The following GALNT17 variants were observed in gnomAD, a reference collection of about 807,000 sequenced individuals.
GALNT17 encodes UDP-GalNAc:polypeptide N-acetylgalactosaminyltransferase-like 3.
Under a neutral mutation model 63.7 loss-of-function variants are expected in GALNT17, and 29 were observed. That is an observed-to-expected ratio of 0.46 (90% CI 0.34 to 0.62). The LOEUF (loss-of-function observed/expected upper bound fraction) is 0.62. GALNT17 is among the 20% of genes least tolerant of loss of function. The pLI, the probability that GALNT17 is intolerant of heterozygous loss-of-function variation, is 0.01. For missense variants in GALNT17, 603 were observed against 799.6 expected, an observed-to-expected ratio of 0.75 and a Z score of 2.97; for synonymous variants, 305 against 318.3, an observed-to-expected ratio of 0.96 and a Z score of 0.45.
chr7:71,483,373 G>A (rs1173785787), intron 5 of GALNT17, among the ~76,000 whole-genome samples: 2 of 152,032 alleles, frequency 1.3e-5, no homozygotes, highest in Non-Finnish European at 2.9e-5. Context: ...TGGAGGCTGA[G>A]GCAGGAGAAT....
intron 2 of GALNT17, among the ~76,000 whole-genome samples, chr7:71,361,028 T>G (rs527301007): frequency 6.6e-6 from 1 of 152,318 alleles, no homozygotes; most frequent in South Asian, 2.1e-4. Flanking sequence ...CTTATTTGAC[T>G]AGCTACTTAT....
intron 1 of GALNT17, among the ~76,000 whole-genome samples, chr7:71,198,001 C>T (rs1789088333): frequency 6.6e-6 from 1 of 151,888 alleles, no homozygotes; most frequent in Non-Finnish European, 1.5e-5. Flanking sequence ...AGTTCGAGAC[C>T]AGCCTGGCCA....
chr7:71,351,422 C>T (rs1295871840), intron 2 of GALNT17, among the ~76,000 whole-genome samples: 2 of 152,058 alleles, frequency 1.3e-5, no homozygotes, highest in Admixed American at 6.6e-5. Context: ...TCTGGAACCT[C>T]AGGTCACCTT....
intron 5 of GALNT17, among the ~76,000 whole-genome samples, chr7:71,466,851 A>G (rs1371638955): frequency 6.6e-6 from 1 of 152,100 alleles, no homozygotes; most frequent in Non-Finnish European, 1.5e-5. Flanking sequence ...GAATCAATGT[A>G]TACCTTCCAT....
chr7:71,507,521 C>T (rs1433793449), intron 5 of GALNT17, among the ~76,000 whole-genome samples: 1 of 152,184 alleles, frequency 6.6e-6, no homozygotes, highest in African/African-American at 2.4e-5. Context: ...AGCTGCCTGG[C>T]AGTCAGCACT....
chr7:71,347,549 T>C lies in GALNT17; in HGVS notation c.422+11816T>C, dbSNP rs1465829917. On this transcript the variant is annotated intron_variant, in intron 2 of 10. Coordinates refer to ENST00000333538, the MANE Select transcript of GALNT17 (RefSeq NM_022479.3). ...AAATGACAGGATCTTCAGGAAAATA[T>C]CTACTGAAAAGTGATATATCCTTAG... Among the ~76,000 whole-genome samples the C allele has an allele frequency of 2.6e-5, 4 of 152,170 alleles. No individual in the cohort carries two copies. In the East Asian group the frequency reaches 7.7e-4, roughly 29 times the overall value.
intron 9 of GALNT17, among the ~76,000 whole-genome samples, chr7:71,701,913 A>ATTTG (rs1554326611): frequency 7.9e-6 from 1 of 126,420 alleles, no homozygotes; most frequent in African/African-American, 3.4e-5. Flanking sequence ...ATATATATAC[A>ATTTG]TATATATATG....
At chr7:71,453,568 C>T (rs1178005586) in intron 5 of GALNT17, among the ~76,000 whole-genome samples, 1 of 152,166 alleles carries the variant, frequency 6.6e-6, no homozygotes, top group Non-Finnish European at 1.5e-5. Context: ...AATTACCTCC[C>T]ACTGGGTCCT....
At chr7:71,548,328 T>C (rs1233435714) in intron 5 of GALNT17, among the ~76,000 whole-genome samples, 2 of 152,196 alleles carry the variant, frequency 1.3e-5, no homozygotes, top group Non-Finnish European at 2.9e-5. Flanking sequence ...CCTGTCACAC[T>C]GTGCCCCCAA....
chr7:71,708,643 C>T (rs1004160472), intron 9 of GALNT17, among the ~76,000 whole-genome samples: 1 of 152,112 alleles, frequency 6.6e-6, no homozygotes, highest in African/African-American at 2.4e-5. Flanking sequence ...TTGGGGTATG[C>T]TTGAAATCGT....
At chr7:71,211,731 G>T (rs1244104773) in intron 1 of GALNT17, among the ~76,000 whole-genome samples, 3 of 152,146 alleles carry the variant, frequency 2.0e-5, no homozygotes, top group Non-Finnish European at 4.4e-5. Context: ...GAGGAACTTG[G>T]GAACTGGAGT....
At chr7:71,609,615 A>G (rs1284511610) in intron 6 of GALNT17, among the ~76,000 whole-genome samples, 1 of 152,198 alleles carries the variant, frequency 6.6e-6, no homozygotes, top group Non-Finnish European at 1.5e-5. Flanking sequence ...CGGGCATGCA[A>G]TGCATAAAAA....
At chr7:71,659,113 C>T (rs115500978) in intron 6 of GALNT17, among the ~76,000 whole-genome samples, 1,669 of 152,310 alleles carry the variant, frequency 0.011, 37 homozygotes, top group African/African-American at 0.038. Flanking sequence ...TTTAACATGA[C>T]CTCCAGGTAA....
intron 1 of GALNT17, among the ~76,000 whole-genome samples, chr7:71,212,605 G>A (rs1453766974): frequency 6.6e-6 from 1 of 152,152 alleles, no homozygotes; most frequent in Non-Finnish European, 1.5e-5. Flanking sequence ...ACGCTAGCTT[G>A]TGAAAGCAGC....
At chr7:71,578,371 C>T (rs1299364307) in intron 6 of GALNT17, among the ~76,000 whole-genome samples, 1 of 152,004 alleles carries the variant, frequency 6.6e-6, no homozygotes, top group Non-Finnish European at 1.5e-5. Context: ...TTCTCACTGT[C>T]ATCTAAGCTG....
intron 9 of GALNT17, among the ~76,000 whole-genome samples, chr7:71,695,423 C>T (rs1791524924): frequency 6.6e-6 from 1 of 152,144 alleles, no homozygotes; most frequent in Admixed American, 6.5e-5. Context: ...AGGAAGGGCC[C>T]TTGGGACCAT....
At chr7:71,581,754 G>A (rs1037779227) in intron 6 of GALNT17, among the ~76,000 whole-genome samples, 3 of 152,182 alleles carry the variant, frequency 2.0e-5, no homozygotes, top group Non-Finnish European at 2.9e-5. Context: ...GGGTAGGTTT[G>A]TCAGTGGGGA....
chr7:71,167,961 C>T (rs1482627082), intron 1 of GALNT17, among the ~76,000 whole-genome samples: 1 of 152,226 alleles, frequency 6.6e-6, no homozygotes, highest in African/African-American at 2.4e-5. Context: ...TGAGTCACCT[C>T]ACCCGGCTTC....
At chr7:71,176,102 C>T (rs1322859761) in intron 1 of GALNT17, among the ~76,000 whole-genome samples, 1 of 151,984 alleles carries the variant, frequency 6.6e-6, no homozygotes, top group African/African-American at 2.4e-5. Context: ...CTACGTGTGG[C>T]CTCGACATGT....
Sources: gnomAD v4.1 joint callset for allele counts (sites outside exome capture counted in the v4.1 genomes callset) on GRCh38, gnomAD v4.1.1 for gene constraint, MANE v1.5 for transcripts, NCBI Gene and HGNC (gene_info 2026-07-23, HGNC 2026-07-21) for gene names.